The following CSMD1 variants were observed in gnomAD, a reference collection of about 807,000 sequenced individuals.
CSMD1 encodes the protein CUB and Sushi multiple domains 1, also known as CUB and sushi domain-containing protein 1.
A neutral mutation model predicts 417.5 loss-of-function variants in CSMD1; 213 were observed. The ratio of observed to expected loss-of-function variants is 0.51; its 90% CI spans 0.46 to 0.57. The LOEUF (loss-of-function observed/expected upper bound fraction) is 0.57, where lower values mean the gene tolerates loss of function less well. Among genes scored for constraint, CSMD1 ranks in the 20% least tolerant of loss-of-function variants. The probability of loss-of-function intolerance (pLI) is 0.00; values close to 1 mark genes in which losing one functional copy is unlikely to be tolerated. For missense variants in CSMD1, 6,923 were observed against 4,529.7 expected (o/e 1.53, Z -15.17); for synonymous variants, 2,862 against 1,736.8 (o/e 1.65, Z -16.11).
intron 4 of CSMD1, among the ~76,000 whole-genome samples, chr8:4,015,771 T>C (rs771901978): frequency 2.0e-5 from 3 of 151,932 alleles, no homozygotes; most frequent in Non-Finnish European, 4.4e-5. Context: ...AATACTTATC[T>C]TAAATGTATG....
intron 22 of CSMD1, among the ~76,000 whole-genome samples, chr8:3,345,416 C>T (rs1407661071): frequency 3.3e-5 from 5 of 152,042 alleles, no homozygotes; most frequent in Non-Finnish European, 5.9e-5. Flanking sequence ...AAGTGTATGT[C>T]GTTGATGAAC....
intron 11 of CSMD1, among the ~76,000 whole-genome samples, chr8:3,491,408 A>G (rs888362757): frequency 2.6e-5 from 4 of 152,240 alleles, no homozygotes; most frequent in African/African-American, 9.6e-5. Context: ...TGTATTATGC[A>G]TTTAACACAG....
At chr8:4,654,932 G>T (rs1804133610) in intron 1 of CSMD1, among the ~76,000 whole-genome samples, 1 of 151,642 alleles carries the variant, frequency 6.6e-6, no homozygotes, top group Admixed American at 6.6e-5. Context: ...AACCTGCACA[G>T]GTATCCCCCA....
chr8:3,812,053 G>T (rs1801120975), intron 5 of CSMD1, among the ~76,000 whole-genome samples: 1 of 151,912 alleles, frequency 6.6e-6, no homozygotes, highest in African/African-American at 2.4e-5. Context: ...ATTCCATAAA[G>T]CATTTCACGA....
At chr8:3,543,874 G>T (rs932146603) in intron 10 of CSMD1, among the ~76,000 whole-genome samples, 1 of 152,156 alleles carries the variant, frequency 6.6e-6, no homozygotes, top group African/African-American at 2.4e-5. Context: ...ATCAGAGTCA[G>T]GACAGATGAA....
Position 4,305,295 on chromosome 8 carries a change from C to T in CSMD1, c.415+114658G>A, listed in dbSNP as rs999952961. Among the ~76,000 whole-genome samples the T allele has an allele frequency of 5.9e-5, 9 of 152,116 alleles. 1 individual carries two copies. In the South Asian group the frequency reaches 1.0e-3, roughly 18 times the overall value. ...TGGGAACTGAGCTGCATCAGCCTCC[C>T]GCTAGGAGAGAGTCAGGCCGCCACA... On this transcript the variant is annotated intron_variant, in intron 3 of 69. Coordinates refer to ENST00000635120, the MANE Select transcript of CSMD1 (RefSeq NM_033225.6).
chr8:3,049,040 G>A (rs1275949594), intron 50 of CSMD1, among the ~76,000 whole-genome samples: 2 of 152,046 alleles, frequency 1.3e-5, no homozygotes, highest in East Asian at 1.9e-4. Context: ...AGATACTACT[G>A]CACATCTATG....
intron 5 of CSMD1, among the ~76,000 whole-genome samples, chr8:3,828,818 C>T (rs1386633583): frequency 3.9e-5 from 6 of 152,058 alleles, no homozygotes; most frequent in Non-Finnish European, 8.8e-5. Flanking sequence ...CAGCCTCATG[C>T]CTCACTCTTG....
intron 3 of CSMD1, among the ~76,000 whole-genome samples, chr8:4,352,730 C>A (rs925656312): frequency 6.6e-6 from 1 of 152,212 alleles, no homozygotes; most frequent in African/African-American, 2.4e-5. Context: ...ACCCTCTGTT[C>A]TGAGATTTAA....
At chr8:4,093,965 AATAGATAGATAGATAGATAG>A (rs201105711) in intron 3 of CSMD1, among the ~76,000 whole-genome samples, 1 of 136,954 alleles carries the variant, frequency 7.3e-6, no homozygotes, top group African/African-American at 2.7e-5. Context: ...CTACATCTCA[AATAGATAGATAGATAGATAG>A]ATAGATAGAT....
intron 10 of CSMD1, among the ~76,000 whole-genome samples, chr8:3,504,132 A>C (rs959920061): frequency 6.6e-6 from 1 of 152,210 alleles, no homozygotes; most frequent in African/African-American, 2.4e-5. Flanking sequence ...GAATGTTTGA[A>C]GTGATGAATA....
chr8:4,047,835 A>G (rs1585202834), intron 3 of CSMD1, among the ~76,000 whole-genome samples: 2 of 151,962 alleles, frequency 1.3e-5, no homozygotes. Context: ...AGTGGCATTG[A>G]AAAAAAATAT....
At chr8:4,342,740 G>A (rs1377312304) in intron 3 of CSMD1, among the ~76,000 whole-genome samples, 1 of 152,078 alleles carries the variant, frequency 6.6e-6, no homozygotes, top group Non-Finnish European at 1.5e-5. Flanking sequence ...GCAGTAGACA[G>A]GCTTGCAGAA....
chr8:4,487,386 G>C lies in CSMD1; in HGVS notation c.303-67321C>G, dbSNP rs2693789. On this transcript the variant is annotated intron_variant, in intron 2 of 69. Coordinates refer to ENST00000635120, the MANE Select transcript of CSMD1 (RefSeq NM_033225.6). ...TGTGTCCATGCGTTCTCATTGTTCA[G>C]TTCCCATCTATGAGTGAGAACATGC... Among the ~76,000 whole-genome samples, 982 of 152,078 alleles carry C rather than the reference G, an allele frequency of 6.5e-3. 11 individuals carry two copies. Among genetic ancestry groups the C allele is most frequent in the African/African-American group, 0.023 (948 of 41,446 alleles).
chr8:2,951,593 T>C (rs1802639983), intron 65 of CSMD1, among the ~76,000 whole-genome samples: 2 of 152,182 alleles, frequency 1.3e-5, no homozygotes, highest in South Asian at 4.1e-4. Flanking sequence ...CTAATGCTAG[T>C]TTAGTTTTTA....
At chr8:4,197,378 G>T (rs1402736669) in intron 3 of CSMD1, among the ~76,000 whole-genome samples, 3 of 152,188 alleles carry the variant, frequency 2.0e-5, no homozygotes, top group Non-Finnish European at 4.4e-5. Context: ...TGTGTCTGTG[G>T]TGGTGTTTTT....
intron 5 of CSMD1, among the ~76,000 whole-genome samples, chr8:3,911,851 T>G (rs544647838): frequency 6.6e-6 from 1 of 152,182 alleles, no homozygotes; most frequent in Non-Finnish European, 1.5e-5. Context: ...AACAAAAGAT[T>G]CTCCTTCCCA....
intron 3 of CSMD1, among the ~76,000 whole-genome samples, chr8:4,117,227 G>C (rs1306041993): frequency 2.2e-5 from 3 of 134,884 alleles, no homozygotes; most frequent in Non-Finnish European, 4.8e-5. Context: ...TCCATCTCAT[G>C]GTCGTTTCTG....
chr8:4,392,914 A>G (rs2128924554), intron 3 of CSMD1, among the ~76,000 whole-genome samples: 1 of 152,016 alleles, frequency 6.6e-6, no homozygotes, highest in Non-Finnish European at 1.5e-5. Context: ...GCTTGCAGTG[A>G]GCGGAGATCC....
Sources: gnomAD v4.1 joint callset for allele counts (sites outside exome capture counted in the v4.1 genomes callset) on GRCh38, gnomAD v4.1.1 for gene constraint, MANE v1.5 for transcripts, NCBI Gene and HGNC (gene_info 2026-07-23, HGNC 2026-07-21) for gene names.